Variants in SYN3 observed in about 807,000 individuals in gnomAD.
The protein encoded by SYN3 is synapsin-3.
Under a neutral mutation model 65.8 loss-of-function variants are expected in SYN3, and 35 were observed. The observed-to-expected ratio is 0.53, with a 90% CI of 0.41 to 0.70. SYN3 has a LOEUF of 0.70. Ranked by LOEUF, SYN3 falls within the 30% of genes least tolerant of loss-of-function variation. The pLI, the probability that SYN3 is intolerant of heterozygous loss-of-function variation, is 0.00. For synonymous variants in SYN3, 270 were observed against 292.9 expected, an observed-to-expected ratio of 0.92 and a Z score of 0.80; for missense variants, 680 against 749.0, an observed-to-expected ratio of 0.91 and a Z score of 1.08.
chr22:32,996,774 G>A (rs2052892110), intron 2 of SYN3, among the ~76,000 whole-genome samples: 1 of 152,228 alleles, frequency 6.6e-6, no homozygotes, highest in African/African-American at 2.4e-5. Context: ...GAACTCGTAA[G>A]TATGTGTATG....
Position 32,999,422 on chromosome 22 carries a change from C to T in SYN3, c.311+6930G>A, listed in dbSNP as rs558410157. Among the ~76,000 whole-genome samples the T allele has an allele frequency of 9.9e-5, 15 of 152,284 alleles. 1 individual carries two copies. In the Middle Eastern group the frequency reaches 0.017, roughly 173 times the overall value. ...GGACAGGGCCAGTCACGGTGGCTCACGCCTATAATCCCAGCACTCCGGGAG... is the reference window on the plus strand; with the variant it reads ...GGACAGGGCCAGTCACGGTGGCTCATGCCTATAATCCCAGCACTCCGGGAG... On this transcript the variant is annotated intron_variant, in intron 2 of 13. Transcript: ENST00000358763.
chr22:33,041,185 G>T (rs1265481034), intron 1 of SYN3, among the ~76,000 whole-genome samples: 2 of 152,226 alleles, frequency 1.3e-5, no homozygotes, highest in South Asian at 4.2e-4. Flanking sequence ...CCAAAGGGCT[G>T]GGATTACAGG....
intron 3 of SYN3, among the ~76,000 whole-genome samples, chr22:32,969,655 G>C (rs1456681825): frequency 1.3e-5 from 2 of 152,120 alleles, no homozygotes; most frequent in South Asian, 2.1e-4. Flanking sequence ...ATAATTTCAC[G>C]TGTGTGCTAA....
At chr22:32,761,516 G>C (rs1382382893) in intron 6 of SYN3, among the ~76,000 whole-genome samples, 2 of 152,202 alleles carry the variant, frequency 1.3e-5, no homozygotes, top group Non-Finnish European at 2.9e-5. Context: ...AGGCTTCCCA[G>C]AGGCCATGGG....
chr22:32,604,954 C>A (rs371998091), intron 6 of SYN3, among the ~76,000 whole-genome samples: 2 of 144,054 alleles, frequency 1.4e-5, no homozygotes, highest in East Asian at 4.1e-4. Context: ...TGCAGTGAGC[C>A]GAGATGGCGC....
Position 32,956,193 on chromosome 22 carries a change from T to C in SYN3, c.369+24452A>G, listed in dbSNP as rs547437963. Among the ~76,000 whole-genome samples the C allele has an allele frequency of 4.0e-3, 529 of 132,502 alleles. 3 individuals carry two copies. The highest frequency in any genetic ancestry group is 0.015 in the African/African-American group (508 of 34,748). 86.9% of individuals were successfully genotyped at this position (132,502 alleles called of 152,430 possible). On this transcript the variant is annotated intron_variant, in intron 3 of 13. Transcript: ENST00000358763. ...TTTTTTGAGACAGAGTCTTGTTCTG[T>C]CGCCCAGGCCAGAATGCAGAGGCAC... is the stretch of plus-strand genomic sequence containing the variant.
intron 6 of SYN3, among the ~76,000 whole-genome samples, chr22:32,657,685 G>T (rs1294343736): frequency 6.6e-6 from 1 of 152,198 alleles, no homozygotes; most frequent in Non-Finnish European, 1.5e-5. Context: ...CCTTCCCTAT[G>T]CTCAAAGGAC....
At chr22:32,669,946 A>G (rs1008469786) in intron 6 of SYN3, among the ~76,000 whole-genome samples, 4 of 152,300 alleles carry the variant, frequency 2.6e-5, no homozygotes, top group African/African-American at 9.6e-5. Flanking sequence ...CAGATAAGAA[A>G]ACTGAGAATG....
chr22:32,823,868 G>A (rs1485245353), intron 6 of SYN3, among the ~76,000 whole-genome samples: 1 of 152,128 alleles, frequency 6.6e-6, no homozygotes, highest in Non-Finnish European at 1.5e-5. Flanking sequence ...TCCCCACAGT[G>A]CCCTGCCACA....
intron 6 of SYN3, among the ~76,000 whole-genome samples, chr22:32,863,224 C>T (rs2048596582): frequency 6.6e-6 from 1 of 152,206 alleles, no homozygotes; most frequent in Admixed American, 6.5e-5. Flanking sequence ...AGGAGAGGTG[C>T]CCTGCCTTGA....
intron 7 of SYN3, among the ~76,000 whole-genome samples, chr22:32,558,545 C>T (rs971348926): frequency 6.6e-6 from 1 of 152,228 alleles, no homozygotes; most frequent in Non-Finnish European, 1.5e-5. Context: ...CAACTTTTCC[C>T]TTTTCCTATC....
At position 32,541,620 on chromosome 22, in the gene SYN3, T is replaced by C; in HGVS notation, c.868A>G (p.Lys290Glu). ...ATTTTCTGGATGCGGATGTCGTACT[T>C]GGAGTCGATGAAGGCCTCGGTGGTG... ...YATTEAFIDS[K>E]YDIRIQKIGS... Residue 290 changes from lysine (K) to glutamate (E), a missense_variant, in exon 8 of 14, where the codon AAG becomes GAG. By Grantham distance (56) the Lys-to-Glu change is moderately conservative (BLOSUM62 1). Coordinates refer to ENST00000358763, the MANE Select transcript of SYN3 (RefSeq NM_003490.4). The C allele has an allele frequency of 1.9e-6, 3 of 1,614,116 alleles. No homozygotes were observed. The South Asian group carries it at 3.3e-5, about 18-fold the overall frequency.
intron 1 of SYN3, among the ~76,000 whole-genome samples, chr22:33,013,206 A>G (rs142875406): frequency 3.9e-5 from 6 of 152,264 alleles, no homozygotes; most frequent in African/African-American, 1.2e-4. Context: ...ACCTACTCCA[A>G]TGTTAGTCAA....
intron 6 of SYN3, among the ~76,000 whole-genome samples, chr22:32,705,969 T>C (rs2060875554): frequency 6.6e-6 from 1 of 152,216 alleles, no homozygotes; most frequent in Admixed American, 6.5e-5. Flanking sequence ...GCTGAGACCA[T>C]GGGGATTTTC....
chr22:32,565,832 C>A (rs5754149), intron 7 of SYN3, among the ~76,000 whole-genome samples: 4 of 151,906 alleles, frequency 2.6e-5, no homozygotes, highest in Middle Eastern at 3.4e-3. Flanking sequence ...TTGCCTCAGC[C>A]CCCCCGAGTA....
chr22:32,994,565 T>C (rs558127315), intron 2 of SYN3, among the ~76,000 whole-genome samples: 2 of 152,098 alleles, frequency 1.3e-5, no homozygotes, highest in East Asian at 3.9e-4. Flanking sequence ...GGGGAAGCGG[T>C]GGAGAGAGGC....
chr22:32,749,878 A>T (rs2045060658), intron 6 of SYN3, among the ~76,000 whole-genome samples: 1 of 152,178 alleles, frequency 6.6e-6, no homozygotes, highest in Non-Finnish European at 1.5e-5. Flanking sequence ...GCTCCTCTGG[A>T]TGGTAATGAG....
chr22:32,771,810 A>C (rs1212764711), intron 6 of SYN3, among the ~76,000 whole-genome samples: 1 of 152,234 alleles, frequency 6.6e-6, no homozygotes, highest in Non-Finnish European at 1.5e-5. Context: ...GCAAATGGTC[A>C]TTCATGACAT....
intron 3 of SYN3, among the ~76,000 whole-genome samples, chr22:32,975,310 G>A (rs2052151611): frequency 6.6e-6 from 1 of 151,644 alleles, no homozygotes; most frequent in African/African-American, 2.4e-5. Context: ...AGGAGGCAGA[G>A]GTGGCAGTGA....
Sources: gnomAD v4.1 joint callset for allele counts (sites outside exome capture counted in the v4.1 genomes callset) on GRCh38, gnomAD v4.1.1 for gene constraint, MANE v1.5 for transcripts, NCBI Gene and HGNC (gene_info 2026-07-23, HGNC 2026-07-21) for gene names.